Variants in GPM6A observed in about 807,000 individuals in gnomAD.
GPM6A encodes glycoprotein M6A, also known as neuronal membrane glycoprotein M6-a.
GPM6A carries 7 observed loss-of-function variants against 32.1 expected under a neutral mutation model. The ratio of observed to expected loss-of-function variants is 0.22; its 90% confidence interval spans 0.12 to 0.41. The LOEUF (loss-of-function observed/expected upper bound fraction) is 0.41, where lower values mean the gene tolerates loss of function less well. Ranked by LOEUF, GPM6A falls within the 10% of genes least tolerant of loss-of-function variation. The probability of loss-of-function intolerance (pLI) is 1.00; values close to 1 mark genes in which losing one functional copy is unlikely to be tolerated. For missense variants in GPM6A, 235 were observed against 347.2 expected (o/e 0.68, Z 2.57); for synonymous variants, 130 against 123.4 (o/e 1.05, Z -0.35).
intron 1 of GPM6A, among the ~76,000 whole-genome samples, chr4:175,829,080 T>G (rs1735526635): frequency 6.6e-6 from 1 of 152,046 alleles, no homozygotes; most frequent in Admixed American, 6.6e-5. Context: ...TGTGCCAGCG[T>G]GCAGCATGTC....
At chr4:175,869,508 C>T (rs1342466935) in intron 1 of GPM6A, among the ~76,000 whole-genome samples, 1 of 152,038 alleles carries the variant, frequency 6.6e-6, no homozygotes, top group Non-Finnish European at 1.5e-5. Flanking sequence ...TCTGTAATCC[C>T]AGCACTTTGG....
rs551379638 is a variant in GPM6A, at chr4:175,906,529, G to A, written c.-22-94280C>T. The A allele has an allele frequency of 8.5e-5, 13 of 152,078 alleles. No individual in the cohort carries two copies. In the East Asian group the frequency reaches 1.4e-3, roughly 16 times the overall value. 9.4% of individuals were successfully genotyped at this position (152,078 alleles called of 1,614,324 possible). On this transcript the variant is annotated intron_variant, in intron 1 of 7. Coordinates refer to the GPM6A transcript ENST00000280187. ...CTCTCCTCATTATTTTTTATAGACC[G>A]TAACCATGGTGATATTCAGACACAC...
chr4:175,856,353 C>T (rs1195743363), intron 1 of GPM6A, among the ~76,000 whole-genome samples: 2 of 152,144 alleles, frequency 1.3e-5, no homozygotes, highest in Admixed American at 6.5e-5. Flanking sequence ...GCTCAAACTG[C>T]TTGTGGGAGG....
intron 1 of GPM6A, among the ~76,000 whole-genome samples, chr4:175,820,234 AAAT>A (rs146761899): frequency 0.03 from 4,545 of 152,212 alleles, 229 homozygotes; most frequent in African/African-American, 0.1. Flanking sequence ...CTTGAGACCA[AAAT>A]AATAAACACT....
At chr4:175,800,991 G>A (rs185768460) in intron 1 of GPM6A, 58 of 191,844 alleles carry the variant, frequency 3.0e-4, no homozygotes, top group African/African-American at 1.3e-3. Context: ...AGCAGGGTAA[G>A]TCTTAAACAC....
At chr4:175,657,931 A>T (rs1579350243) in intron 3 of GPM6A, among the ~76,000 whole-genome samples, 1 of 152,318 alleles carries the variant, frequency 6.6e-6, no homozygotes, top group East Asian at 1.9e-4. Context: ...AAGGGAAAAA[A>T]CATTACAATC....
intron 1 of GPM6A, among the ~76,000 whole-genome samples, chr4:175,781,852 A>C (rs1299465308): frequency 6.6e-6 from 1 of 152,140 alleles, no homozygotes; most frequent in Non-Finnish European, 1.5e-5. Context: ...CCTTCATTAT[A>C]ATATTCAGTT....
At chr4:175,659,854 T>C (rs1027520464) in intron 3 of GPM6A, among the ~76,000 whole-genome samples, 3 of 152,210 alleles carry the variant, frequency 2.0e-5, no homozygotes, top group Non-Finnish European at 4.4e-5. Context: ...ATAGTGTGAA[T>C]GTAAGGTTTG....
chr4:175,957,362 T>C (rs1445302710), intron 1 of GPM6A, among the ~76,000 whole-genome samples: 1 of 152,198 alleles, frequency 6.6e-6, no homozygotes. Context: ...TTTTACACTT[T>C]AATTGAACAA....
chr4:175,986,676 TCCA>T (rs1740985626), intron 1 of GPM6A, among the ~76,000 whole-genome samples: 2 of 152,224 alleles, frequency 1.3e-5, no homozygotes, highest in Non-Finnish European at 2.9e-5. Context: ...ATTTTTCATC[TCCA>T]TTGCTGCTAG....
At chr4:175,642,241 C>T (rs1030066774) in intron 4 of GPM6A, among the ~76,000 whole-genome samples, 1 of 152,134 alleles carries the variant, frequency 6.6e-6, no homozygotes, top group Non-Finnish European at 1.5e-5. Flanking sequence ...GAGATTTCCT[C>T]CCTAAAAAAT....
At chr4:175,836,290 G>A (rs1735766386) in intron 1 of GPM6A, among the ~76,000 whole-genome samples, 1 of 152,016 alleles carries the variant, frequency 6.6e-6, no homozygotes, top group Non-Finnish European at 1.5e-5. Flanking sequence ...CTGCTCCTCA[G>A]ATCCTATTCC....
chr4:175,754,759 A>G (rs892717750), intron 1 of GPM6A, among the ~76,000 whole-genome samples: 13 of 152,086 alleles, frequency 8.5e-5, no homozygotes, highest in African/African-American at 2.4e-4. Context: ...GCTAGTGTAG[A>G]GCTGTAAATT....
At chr4:175,901,175 T>G (rs1737956014) in intron 1 of GPM6A, among the ~76,000 whole-genome samples, 1 of 149,654 alleles carries the variant, frequency 6.7e-6, no homozygotes. Flanking sequence ...GAGGTGGGGG[T>G]GGTTAACAGG....
At chr4:175,889,480 T>C (rs922924295) in intron 1 of GPM6A, among the ~76,000 whole-genome samples, 11 of 150,168 alleles carry the variant, frequency 7.3e-5, no homozygotes, top group African/African-American at 2.5e-4. Context: ...TTTACACCAC[T>C]GCACTCCAGC....
intron 1 of GPM6A, chr4:176,002,177 A>T: frequency 1.0e-6 from 1 of 957,960 alleles, no homozygotes; most frequent in Non-Finnish European, 1.6e-6. Flanking sequence ...GGGGCGGGGG[A>T]CGCCAGGCGC....
intron 1 of GPM6A, among the ~76,000 whole-genome samples, chr4:175,881,872 A>G (rs1250673549): frequency 1.3e-5 from 2 of 152,152 alleles, no homozygotes; most frequent in African/African-American, 4.8e-5. Context: ...GATAGCATTA[A>G]GAGATATATC....
intron 1 of GPM6A, among the ~76,000 whole-genome samples, chr4:175,794,271 A>G (rs1734127651): frequency 6.6e-6 from 1 of 152,238 alleles, no homozygotes; most frequent in Non-Finnish European, 1.5e-5. Context: ...TGCACTTGAA[A>G]CAGTGCTTAG....
At chr4:175,905,890 A>C (rs1162017348) in intron 1 of GPM6A, among the ~76,000 whole-genome samples, 8 of 152,134 alleles carry the variant, frequency 5.3e-5, no homozygotes. Context: ...GACTTTTACT[A>C]AATATCAGCA....
Sources: gnomAD v4.1 joint callset for allele counts (sites outside exome capture counted in the v4.1 genomes callset) on GRCh38, gnomAD v4.1.1 for gene constraint, MANE v1.5 for transcripts, NCBI Gene and HGNC (gene_info 2026-07-23, HGNC 2026-07-21) for gene names.